Variants in HDAC9 observed in about 807,000 individuals in gnomAD.
HDAC9 encodes the protein MEF-2 interacting transcription repressor (MITR) protein.
In HDAC9, 41 loss-of-function variants were observed where a neutral mutation model predicts 139.4. The observed-to-expected ratio is 0.29, with a 90% CI of 0.23 to 0.38. The LOEUF is 0.38. Ranked by LOEUF, HDAC9 falls within the 10% of genes least tolerant of loss-of-function variation. HDAC9 has a pLI of 1.00. For missense variants in HDAC9, 1,147 were observed against 1,297.0 expected, an observed-to-expected ratio of 0.88 and a Z score of 1.78; for synonymous variants, 517 against 476.2, an observed-to-expected ratio of 1.09 and a Z score of -1.12.
chr7:18,207,539 C>CTTTTTTTTTTTTTTTTTTTTT lies in HDAC9; in HGVS notation c.25+45208_25+45209insTTTTTTTTTTTTTTTTTTTTT, dbSNP rs56690120. On this transcript the variant is annotated intron_variant, in intron 2 of 12. Transcript: ENST00000417496. ...CTCTCACCTCATCTGCCCAAGGAGTCTTTTTTTTTTTTTTTTTTGATTTGA... is the reference window on the plus strand; with the variant it reads ...CTCTCACCTCATCTGCCCAAGGAGTCTTTTTTTTTTTTTTTTTTTTTTTTTTTTTTTTTTTTTTTGATTTGA... 8.2e-4 allele frequency among the ~76,000 whole-genome samples: 44 copies of CTTTTTTTTTTTTTTTTTTTTT among 53,738 alleles called. 13 individuals carry two copies. Among genetic ancestry groups the CTTTTTTTTTTTTTTTTTTTTT allele is most frequent in the Non-Finnish European group, 1.0e-3 (33 of 31,944 alleles). The allele number at this position is 53,738 out of a possible 152,430, so 35.3% of individuals were successfully genotyped here.
At chr7:18,139,528 G>C (rs76181278) in intron 1 of HDAC9, among the ~76,000 whole-genome samples, 2,473 of 152,068 alleles carry the variant, frequency 0.016, 67 homozygotes, top group African/African-American at 0.056. Context: ...TTTTTTCCGT[G>C]TCAGGGAAAA....
chr7:18,644,664 T>G lies in HDAC9; in HGVS notation c.913-7T>G, dbSNP rs1291994251. On this transcript the variant is annotated splice_polypyrimidine_tract_variant and splice_region_variant and intron_variant, in intron 8 of 25. Coordinates refer to ENST00000686413, the MANE Select transcript of HDAC9 (RefSeq NM_178425.4). ...GGTATTTTGAGACTCTCCTCTTTTT[T>G]TAACAGCAAATGGTTTCACAGCAAC... The G allele has an allele frequency of 6.2e-7, 1 of 1,605,954 alleles. No individual in the cohort carries two copies. The highest frequency in any genetic ancestry group is 8.5e-7 in the Non-Finnish European group (1 of 1,176,158).
chr7:18,646,951 T>C (rs1037544558), intron 9 of HDAC9, among the ~76,000 whole-genome samples: 1 of 152,180 alleles, frequency 6.6e-6, no homozygotes, highest in Non-Finnish European at 1.5e-5. Flanking sequence ...TGAATTAATA[T>C]AAAATGTTTA....
chr7:18,147,353 T>A (rs1251878921), intron 1 of HDAC9, among the ~76,000 whole-genome samples: 1 of 152,180 alleles, frequency 6.6e-6, no homozygotes, highest in East Asian at 1.9e-4. Flanking sequence ...TTTGGAAGGT[T>A]ACAAAAATTG....
intron 1 of HDAC9, among the ~76,000 whole-genome samples, chr7:18,399,467 G>A (rs1347085379): frequency 2.0e-5 from 3 of 152,050 alleles, no homozygotes; most frequent in East Asian, 1.9e-4. Flanking sequence ...TTTAAAATTC[G>A]GACACAAATG....
At chr7:18,547,591 T>C (rs1247590090) in intron 2 of HDAC9, among the ~76,000 whole-genome samples, 1 of 152,138 alleles carries the variant, frequency 6.6e-6, no homozygotes, top group Non-Finnish European at 1.5e-5. Context: ...TCGATTGACT[T>C]TTCCTTTCAT....
At chr7:18,356,443 C>G (rs1308322438) in intron 1 of HDAC9, among the ~76,000 whole-genome samples, 1 of 127,856 alleles carries the variant, frequency 7.8e-6, no homozygotes. Context: ...TTCAGATGAA[C>G]TCTCCAATTT....
intron 2 of HDAC9, among the ~76,000 whole-genome samples, chr7:18,266,992 A>C (rs1304310693): frequency 1.3e-5 from 2 of 152,108 alleles, no homozygotes; most frequent in Non-Finnish European, 2.9e-5. Context: ...TCACATATTT[A>C]GGTTTTAACC....
chr7:18,603,447 A>G (rs1834534844), intron 6 of HDAC9, among the ~76,000 whole-genome samples: 1 of 152,020 alleles, frequency 6.6e-6, no homozygotes, highest in South Asian at 2.1e-4. Flanking sequence ...TAACATATCA[A>G]TTTTACCTCT....
intron 1 of HDAC9, among the ~76,000 whole-genome samples, chr7:18,373,999 T>G (rs974359750): frequency 3.9e-5 from 6 of 152,078 alleles, no homozygotes; most frequent in African/African-American, 1.4e-4. Context: ...TGTTACAATA[T>G]GGTGAATATA....
At chr7:18,623,841 C>G (rs1383636279) in intron 6 of HDAC9, among the ~76,000 whole-genome samples, 1 of 152,116 alleles carries the variant, frequency 6.6e-6, no homozygotes, top group East Asian at 1.9e-4. Context: ...ACTTGGGAGG[C>G]TGAGGCAGAA....
intron 1 of HDAC9, among the ~76,000 whole-genome samples, chr7:18,117,025 T>G (rs1028349252): frequency 2.0e-5 from 3 of 152,226 alleles, no homozygotes; most frequent in African/African-American, 7.2e-5. Context: ...AACTTCACAT[T>G]TGTAGCTTTA....
chr7:18,914,773 G>A (rs940717442), intron 22 of HDAC9, among the ~76,000 whole-genome samples: 7 of 137,328 alleles, frequency 5.1e-5, no homozygotes, highest in Non-Finnish European at 8.3e-5. Flanking sequence ...AGGTCATTAC[G>A]CTGGGAGAGA....
At chr7:18,911,756 T>C (rs1200580426) in intron 22 of HDAC9, among the ~76,000 whole-genome samples, 1 of 152,006 alleles carries the variant, frequency 6.6e-6, no homozygotes, top group African/African-American at 2.4e-5. Flanking sequence ...CATTGACCCA[T>C]TGGTTATTCA....
chr7:18,653,766 A>G (rs1790144890), intron 11 of HDAC9, among the ~76,000 whole-genome samples: 1 of 152,168 alleles, frequency 6.6e-6, no homozygotes, highest in South Asian at 2.1e-4. Context: ...ATCTGAGCAA[A>G]TGGAGAGCTT....
chr7:18,495,863 G>T lies in HDAC9; in HGVS notation c.-202G>T. On this transcript the variant is annotated 5_prime_UTR_variant, in exon 1 of 26. Transcript: ENST00000686413. ...GAAGAACTCTAAGCCAGGTTTAATTGGTTTCTTTTTCTCGTGGGTAGACTT... is the reference window on the plus strand; with the variant it reads ...GAAGAACTCTAAGCCAGGTTTAATTTGTTTCTTTTTCTCGTGGGTAGACTT... The T allele has an allele frequency of 3.7e-6, 4 of 1,086,294 alleles. No individual in the cohort carries two copies. Among genetic ancestry groups the T allele is most frequent in the Non-Finnish European group, 4.5e-6 (4 of 895,944 alleles). The allele number at this position is 1,086,294 out of a possible 1,614,324, so 67.3% of individuals were successfully genotyped here. A position where few individuals can be genotyped will look rare whatever the true frequency, so the allele number is the denominator to read the frequency against.
intron 1 of HDAC9, among the ~76,000 whole-genome samples, chr7:18,397,040 C>A (rs370665593): frequency 7.8e-4 from 119 of 152,128 alleles, no homozygotes; most frequent in African/African-American, 2.6e-3. Flanking sequence ...AAAAAAAGAT[C>A]ATCGTCGACT....
intron 2 of HDAC9, among the ~76,000 whole-genome samples, chr7:18,569,004 G>A (rs575206173): frequency 6.6e-6 from 1 of 152,168 alleles, no homozygotes; most frequent in South Asian, 2.1e-4. Context: ...CCGAGATCAC[G>A]CCATTGCACT....
Position 18,151,532 on chromosome 7 carries a change from T to C in HDAC9, c.-96-10697T>C, listed in dbSNP as rs368215944. Among the ~76,000 whole-genome samples, 6 of 152,324 alleles carry C rather than the reference T, an allele frequency of 3.9e-5. No homozygotes were observed. In the East Asian group the frequency reaches 1.2e-3, roughly 29 times the overall value. On this transcript the variant is annotated intron_variant, in intron 1 of 12. Coordinates refer to the HDAC9 transcript ENST00000417496. ...GTGAATGTCTTTGCAGCCTCCTTGA[T>C]CCTCACTAGACATCTTTCACATGGT...
Sources: allele counts gnomAD v4.1 joint callset (sites outside exome capture counted in the v4.1 genomes callset), GRCh38; gene constraint gnomAD v4.1.1; transcripts MANE v1.5; gene names NCBI Gene and HGNC (gene_info 2026-07-23, HGNC 2026-07-21).